Variants in ATP10D observed in about 807,000 individuals in gnomAD.
The protein encoded by ATP10D is phospholipid-transporting ATPase VD.
In ATP10D, 89 loss-of-function variants were observed where a neutral mutation model predicts 144.8. That is an observed-to-expected ratio of 0.61 (90% confidence interval 0.52 to 0.73). ATP10D has a LOEUF of 0.73. Among genes scored for constraint, ATP10D ranks in the 30% least tolerant of loss-of-function variants. The probability of loss-of-function intolerance (pLI) is 0.00; values close to 1 mark genes in which losing one functional copy is unlikely to be tolerated. For synonymous variants in ATP10D, 571 were observed against 615.1 expected (o/e 0.93, Z 1.06); for missense variants, 1,603 against 1,714.8 (o/e 0.93, Z 1.15).
In ATP10D at chr4:47,569,135, C is replaced by T. The variant is rs1159192186; in HGVS notation, c.3152C>T (p.Thr1051Ile). ...GTCCGCAGCCATCTCCAGGTGATGA[C>T]CCTTGCTATTGGTGAGTGAGGATGA... is the stretch of plus-strand genomic sequence containing the variant. ...KLVRSHLQVM[T>I]LAIGDGANDV... Residue 1051 changes from threonine to isoleucine, a missense_variant, in exon 16 of 23, where the codon ACC becomes ATC. Transcript: ENST00000273859. 2.5e-6 allele frequency: 4 copies of T among 1,612,796 alleles called. No individual in the cohort carries two copies. The highest frequency in any genetic ancestry group is 2.2e-5 in the South Asian group (2 of 91,032).
At chr4:47,552,585 C>T (rs576421823) in intron 10 of ATP10D, among the ~76,000 whole-genome samples, 7 of 152,316 alleles carry the variant, frequency 4.6e-5, no homozygotes, top group African/African-American at 1.7e-4. Context: ...TTCCTAATAC[C>T]ATCACCTTGC....
chr4:47,587,056 T>C lies in ATP10D; in HGVS notation c.3791T>C (p.Leu1264Ser), dbSNP rs1478154469. 1.2e-6 allele frequency: 2 copies of C among 1,613,952 alleles called. No homozygotes were observed. Among genetic ancestry groups the C allele is most frequent in the South Asian group, 1.1e-5 (1 of 91,086 alleles). Residue 1264 changes from leucine to serine, a missense_variant, in exon 22 of 23, where the codon TTG (leucine) becomes TCG (serine). Coordinates refer to ENST00000273859, the MANE Select transcript of ATP10D (RefSeq NM_020453.4). ...IHLLVIIGSI[L>S]SYFLFAIVFG... ...TTGCTGGTCATCATTGGTAGCATCT[T>C]GTCTTATTTTTTATTTGCCATAGTT...
intron 4 of ATP10D, among the ~76,000 whole-genome samples, chr4:47,523,986 G>A (rs1717105099): frequency 6.6e-6 from 1 of 152,162 alleles, no homozygotes. Context: ...GAGTGCAGTG[G>A]CGCAATCTCT....
chr4:47,486,734 C>A (rs1217081572), intron 1 of ATP10D, among the ~76,000 whole-genome samples: 1 of 152,136 alleles, frequency 6.6e-6, no homozygotes, highest in Non-Finnish European at 1.5e-5. Context: ...AAAATGAGGT[C>A]ATTTTATACA....
intron 21 of ATP10D, among the ~76,000 whole-genome samples, chr4:47,586,477 G>A (rs542201060): frequency 2.4e-4 from 36 of 152,252 alleles, no homozygotes; most frequent in Middle Eastern, 3.4e-3. Context: ...ACTTCTAACC[G>A]GAAAGTTTTA....
rs777430348 is a variant in ATP10D at position 47,591,391 on chromosome 4, T to A, written c.*10T>A. 3 of 1,565,228 alleles carry A rather than the reference T, an allele frequency of 1.9e-6. No homozygotes were observed. In the Admixed American group the frequency reaches 5.7e-5, roughly 30 times the overall value. On this transcript the variant is annotated 3_prime_UTR_variant, in exon 23 of 23. Transcript: ENST00000273859. The stretch of plus-strand genomic sequence containing the variant: ...AGGTAAAGAAAGCTAGATACCCTCC[T>A]TGGAGTTGCAAGTATTCTTTCAAGG...
At position 47,515,660 on chromosome 4, in the gene ATP10D, G is replaced by A; in HGVS notation, c.475G>A (p.Val159Ile). 6.3e-7 allele frequency: 1 copy of A among 1,594,728 alleles called. No homozygotes were observed. The highest frequency in any genetic ancestry group is 8.6e-7 in the Non-Finnish European group (1 of 1,162,812). ...DKQINNLITK[V>I]YSRKEKKYID... ...ACAGATCAATAATTTAATAACTAAA[G>A]TTTATAGTAGGTAAGTGTAATGGGA... The change falls in exon 3 of 23, where the codon GTT (valine) becomes ATT (isoleucine). Residue 159 changes from valine to isoleucine, a missense_variant. Coordinates refer to ENST00000273859, the MANE Select transcript of ATP10D (RefSeq NM_020453.4).
At chr4:47,577,275 G>A (rs774161103) in intron 19 of ATP10D, among the ~76,000 whole-genome samples, 18 of 152,176 alleles carry the variant, frequency 1.2e-4, no homozygotes, top group East Asian at 1.9e-4. Context: ...AACATCCCCC[G>A]TCTGATTTAT....
intron 1 of ATP10D, among the ~76,000 whole-genome samples, chr4:47,489,565 G>A (rs183298614): frequency 6.6e-6 from 1 of 152,228 alleles, no homozygotes; most frequent in East Asian, 1.9e-4. Flanking sequence ...GAGAAAACAA[G>A]TCACTATCCT....
intron 16 of ATP10D, 123 bp from the exon 17 acceptor site, chr4:47,572,031 T>C (rs1037097504): frequency 1.1e-6 from 1 of 877,428 alleles, no homozygotes; most frequent in Non-Finnish European, 1.8e-6. Flanking sequence ...CCAGGAAACT[T>C]GGAGAACGGG....
At chr4:47,581,758 T>C (rs1311077342) in intron 20 of ATP10D, among the ~76,000 whole-genome samples, 1 of 152,158 alleles carries the variant, frequency 6.6e-6, no homozygotes, top group Non-Finnish European at 1.5e-5. Flanking sequence ...GGAATTCCAG[T>C]TGAAAAAAAC....
At chr4:47,573,354 C>G (rs749730799) in intron 18 of ATP10D, among the ~76,000 whole-genome samples, 14 of 152,284 alleles carry the variant, frequency 9.2e-5, no homozygotes, top group Non-Finnish European at 1.8e-4. Flanking sequence ...GGTTTGCATC[C>G]GTTTTACTGG....
At chr4:47,541,872 C>T (rs1246722225) in intron 9 of ATP10D, among the ~76,000 whole-genome samples, 1 of 152,022 alleles carries the variant, frequency 6.6e-6, no homozygotes, top group Non-Finnish European at 1.5e-5. Context: ...CAATTTGGTA[C>T]CTATCTCAAT....
intron 21 of ATP10D, among the ~76,000 whole-genome samples, chr4:47,586,125 G>A (rs567978034): frequency 9.2e-5 from 14 of 152,244 alleles, no homozygotes; most frequent in African/African-American, 3.1e-4. Context: ...AATGTACAAG[G>A]GTTCCCTTTT....
chr4:47,587,856 C>T (rs899354917), intron 22 of ATP10D, among the ~76,000 whole-genome samples: 1 of 152,184 alleles, frequency 6.6e-6, no homozygotes, highest in Non-Finnish European at 1.5e-5. Flanking sequence ...ACATTCCAAC[C>T]ATAGCAGCCC....
At chr4:47,570,756 T>G (rs1719906467) in intron 16 of ATP10D, among the ~76,000 whole-genome samples, 2 of 151,412 alleles carry the variant, frequency 1.3e-5, no homozygotes, top group Non-Finnish European at 2.9e-5. Context: ...TGAGCTGAGA[T>G]TATGCCACTG....
At chr4:47,506,768 T>C (rs952142241) in intron 1 of ATP10D, among the ~76,000 whole-genome samples, 2 of 152,214 alleles carry the variant, frequency 1.3e-5, no homozygotes, top group Admixed American at 6.5e-5. Context: ...TTTTTGTTAA[T>C]TCTCAAGACA....
chr4:47,500,336 G>A (rs921607458), intron 1 of ATP10D, among the ~76,000 whole-genome samples: 2 of 152,220 alleles, frequency 1.3e-5, no homozygotes, highest in African/African-American at 4.8e-5. Flanking sequence ...AGATCATATG[G>A]AGCACTGGAG....
intron 5 of ATP10D, among the ~76,000 whole-genome samples, chr4:47,527,465 AT>A (rs1717306691): frequency 1.3e-5 from 2 of 152,148 alleles, no homozygotes; most frequent in African/African-American, 4.8e-5. Flanking sequence ...AAAATTTAAA[AT>A]TTTGCTCCTC....
Sources: allele counts gnomAD v4.1 joint callset (sites outside exome capture counted in the v4.1 genomes callset), GRCh38; gene constraint gnomAD v4.1.1; transcripts MANE v1.5; gene names NCBI Gene and HGNC (gene_info 2026-07-23, HGNC 2026-07-21).